The following PRTG variants were observed in gnomAD, a reference collection of about 807,000 sequenced individuals.
The protein encoded by PRTG is protogenin, also known as immunoglobulin superfamily, DCC subclass, member 5.
In PRTG, 67 loss-of-function variants were observed where a neutral mutation model predicts 122.5. That is an observed-to-expected ratio of 0.55 (90% CI 0.45 to 0.67). The LOEUF (loss-of-function observed/expected upper bound fraction) is 0.67, where lower values mean the gene tolerates loss of function less well. Among genes scored for constraint, PRTG ranks in the 30% least tolerant of loss-of-function variants. The probability of loss-of-function intolerance (pLI) is 0.00; values close to 1 mark genes in which losing one functional copy is unlikely to be tolerated. For synonymous variants in PRTG, 554 were observed against 501.1 expected (o/e 1.11, Z -1.41); for missense variants, 1,435 against 1,415.4 (o/e 1.01, Z -0.22).
At chr15:55,661,662 C>A (rs954309445) in intron 11 of PRTG, among the ~76,000 whole-genome samples, 5 of 152,284 alleles carry the variant, frequency 3.3e-5, no homozygotes, top group Non-Finnish European at 5.9e-5. Context: ...AAAAGTTACT[C>A]TTCTCCACAT....
chr15:55,641,526 C>T (rs1339628616), intron 11 of PRTG, among the ~76,000 whole-genome samples: 1 of 152,106 alleles, frequency 6.6e-6, no homozygotes, highest in African/African-American at 2.4e-5. Flanking sequence ...TTTTAAAAGC[C>T]TTCAGTTTGC....
intron 18 of PRTG, among the ~76,000 whole-genome samples, chr15:55,623,248 A>AT (rs986702093): frequency 5.5e-4 from 83 of 151,538 alleles, no homozygotes; most frequent in African/African-American, 7.5e-4. Context: ...ATCATCTTGG[A>AT]TTTTTTTTTG....
At chr15:55,664,251 C>T (rs1434043709) in intron 11 of PRTG, among the ~76,000 whole-genome samples, 1 of 152,130 alleles carries the variant, frequency 6.6e-6, no homozygotes, top group African/African-American at 2.4e-5. Context: ...AAGCGATTCT[C>T]CTGCCCCAGC....
rs529171793 is a variant in PRTG at position 55,737,912 on chromosome 15, C to G, written c.397+2470G>C. 6.1e-5 allele frequency among the ~76,000 whole-genome samples: 9 copies of G among 146,362 alleles called. No homozygotes were observed. The South Asian group carries it at 2.0e-3, about 33-fold the overall frequency. ...ACTTGTACCCTGCTGCTATCAATAC[C>G]TAAAAGAGAACTAGCTTTAAAAACA... is the stretch of plus-strand genomic sequence containing the variant. On this transcript the variant is annotated intron_variant, in intron 2 of 19. Transcript: ENST00000389286.
At chr15:55,736,110 C>T (rs28575567) in intron 2 of PRTG, among the ~76,000 whole-genome samples, 20,799 of 152,052 alleles carry the variant, frequency 0.14, 1,836 homozygotes, top group East Asian at 0.35. Context: ...TACCTCAGTT[C>T]TGTTGGTTTG....
intron 11 of PRTG, among the ~76,000 whole-genome samples, chr15:55,656,725 G>C (rs1232617778): frequency 6.6e-6 from 1 of 152,170 alleles, no homozygotes; most frequent in Non-Finnish European, 1.5e-5. Context: ...AGCCAGGATG[G>C]TCTCGATCTC....
At chr15:55,712,228 G>C (rs1220479600) in intron 2 of PRTG, among the ~76,000 whole-genome samples, 3 of 152,196 alleles carry the variant, frequency 2.0e-5, no homozygotes, top group Non-Finnish European at 2.9e-5. Flanking sequence ...GAACTCTAGA[G>C]GGTTAATGAA....
intron 11 of PRTG, among the ~76,000 whole-genome samples, chr15:55,654,609 G>A (rs921350053): frequency 6.6e-6 from 1 of 152,162 alleles, no homozygotes; most frequent in African/African-American, 2.4e-5. Flanking sequence ...TAGAACACTT[G>A]ACTCATGCTA....
At chr15:55,710,406 C>T (rs538885311) in intron 2 of PRTG, among the ~76,000 whole-genome samples, 5 of 152,120 alleles carry the variant, frequency 3.3e-5, no homozygotes, top group Non-Finnish European at 7.4e-5. Context: ...GGACTATTTG[C>T]AAACTGTTAT....
At chr15:55,644,913 T>C (rs956435751) in intron 11 of PRTG, among the ~76,000 whole-genome samples, 1 of 152,210 alleles carries the variant, frequency 6.6e-6, no homozygotes, top group Non-Finnish European at 1.5e-5. Context: ...ACTCTTTATG[T>C]TGTCCTGTGA....
rs1048678813 is a variant in PRTG, at chr15:55,612,741, T to C, written c.*7271A>G. ...ATATATATATATATATATATATATA[T>C]ATATATATGACTTAAATTGGAGTAA... On this transcript the variant is annotated 3_prime_UTR_variant, in exon 20 of 20. Transcript: ENST00000389286. 14 of 91,990 alleles carry C rather than the reference T, an allele frequency of 1.5e-4. No individual in the cohort carries two copies. Among genetic ancestry groups the C allele is most frequent in the Non-Finnish European group, 2.9e-4 (12 of 40,750 alleles). 5.7% of individuals were successfully genotyped at this position (91,990 alleles called of 1,614,324 possible).
At chr15:55,677,743 C>T (rs145241293) in intron 8 of PRTG, 54 bp downstream of exon 8, 3 of 1,567,180 alleles carry the variant, frequency 1.9e-6, no homozygotes, top group East Asian at 2.3e-5. Flanking sequence ...GTACTGAAAA[C>T]AAATCCTTGA....
At chr15:55,685,221 G>T (rs1028019705) in intron 2 of PRTG, among the ~76,000 whole-genome samples, 1 of 152,152 alleles carries the variant, frequency 6.6e-6, no homozygotes, top group Non-Finnish European at 1.5e-5. Context: ...AGGCTGAAAA[G>T]GGTAAAAGGT....
chr15:55,724,657 C>T (rs1351682476), intron 2 of PRTG, among the ~76,000 whole-genome samples: 1 of 152,014 alleles, frequency 6.6e-6, no homozygotes, highest in African/African-American at 2.4e-5. Flanking sequence ...TACTCAGTAG[C>T]TGAGGCATGA....
At position 55,680,613 on chromosome 15, in the gene PRTG, G is replaced by T; in HGVS notation, c.692C>A (p.Ser231Tyr). 6.5e-7 allele frequency: 1 copy of T among 1,544,596 alleles called. No individual in the cohort carries two copies. The highest frequency in any genetic ancestry group is 8.7e-7 in the Non-Finnish European group (1 of 1,143,228). ...LTVIPAKESKSFHTPTIIAGP... is the reference protein window; with the variant it reads ...LTVIPAKESKYFHTPTIIAGP... ...TGCTATAATTGTTGGTGTGTGGAAGGATTTTGACTCCTTAGCTTTGGGGAG... is the reference window on the plus strand; with the variant it reads ...TGCTATAATTGTTGGTGTGTGGAAGTATTTTGACTCCTTAGCTTTGGGGAG... The change falls in exon 5 of 20, where the codon TCC becomes TAC. Residue 231 changes from serine to tyrosine, a missense_variant. Coordinates refer to ENST00000389286, the MANE Select transcript of PRTG (RefSeq NM_173814.6).
chr15:55,673,954 T>C (rs949697753), intron 9 of PRTG, among the ~76,000 whole-genome samples: 3 of 152,210 alleles, frequency 2.0e-5, no homozygotes, highest in Non-Finnish European at 4.4e-5. Flanking sequence ...TTGATATTCA[T>C]ACAAAATATG....
intron 11 of PRTG, among the ~76,000 whole-genome samples, chr15:55,648,983 G>A (rs1454062891): frequency 6.6e-6 from 1 of 151,720 alleles, no homozygotes; most frequent in African/African-American, 2.4e-5. Flanking sequence ...TACAGTCCCA[G>A]CTACACGGGA....
At position 55,630,044 on chromosome 15, in the gene PRTG, C is replaced by T. The variant is rs935805378; in HGVS notation, c.2624-1040G>A. Reference sequence around the variant, plus strand: ...CTCTGTCGCCCAGGCTAGAGTGCAGCGGCACGATCTTGGCTCACTGTCAGC... The same window carrying T: ...CTCTGTCGCCCAGGCTAGAGTGCAGTGGCACGATCTTGGCTCACTGTCAGC... On this transcript the variant is annotated intron_variant, in intron 15 of 19. Coordinates refer to ENST00000389286, the MANE Select transcript of PRTG (RefSeq NM_173814.6). Among the ~76,000 whole-genome samples the T allele has an allele frequency of 1.1e-4, 16 of 149,722 alleles. No individual in the cohort carries two copies. In the South Asian group the frequency reaches 1.7e-3, roughly 16 times the overall value.
intron 2 of PRTG, among the ~76,000 whole-genome samples, chr15:55,717,822 T>A (rs1272674183): frequency 1.3e-5 from 2 of 152,240 alleles, no homozygotes; most frequent in African/African-American, 4.8e-5. Context: ...AGGCTGACTC[T>A]CTTTTGGGAC....
Sources: allele counts gnomAD v4.1 joint callset (sites outside exome capture counted in the v4.1 genomes callset), GRCh38; gene constraint gnomAD v4.1.1; transcripts MANE v1.5; gene names NCBI Gene and HGNC (gene_info 2026-07-23, HGNC 2026-07-21).